Variants in VPS13B observed in about 807,000 individuals in gnomAD.
The protein encoded by VPS13B is vacuolar protein sorting 13 homolog B, also known as intermembrane lipid transfer protein VPS13B.
Under a neutral mutation model 426.4 loss-of-function variants are expected in VPS13B, and 285 were observed. The observed-to-expected ratio is 0.67, with a 90% CI of 0.61 to 0.74. The LOEUF (loss-of-function observed/expected upper bound fraction) is 0.74. Among genes scored for constraint, VPS13B ranks in the 30% least tolerant of loss-of-function variants. VPS13B has a pLI of 0.00. For synonymous variants in VPS13B, 1,676 were observed against 1,676.4 expected, an observed-to-expected ratio of 1.00 and a Z score of 0.01; for missense variants, 4,537 against 4,782.6, an observed-to-expected ratio of 0.95 and a Z score of 1.51.
chr8:99,158,499 C>T (rs1811480963), intron 15 of VPS13B, among the ~76,000 whole-genome samples: 1 of 152,216 alleles, frequency 6.6e-6, no homozygotes, highest in African/African-American at 2.4e-5. Flanking sequence ...GGCTGTTGCA[C>T]TCCAGCCTGG....
intron 39 of VPS13B, among the ~76,000 whole-genome samples, chr8:99,754,080 T>TA (rs1276663545): frequency 6.9e-6 from 1 of 145,546 alleles, no homozygotes; most frequent in African/African-American, 2.5e-5. Context: ...TCCAATAGTA[T>TA]AAGGGTTTTT....
chr8:99,373,504 G>C (rs1813307354), intron 19 of VPS13B, among the ~76,000 whole-genome samples: 2 of 152,044 alleles, frequency 1.3e-5, no homozygotes, highest in Non-Finnish European at 2.9e-5. Flanking sequence ...CTTCCTGGTG[G>C]ATTCTGTGAC....
chr8:99,263,671 C>G (rs1046133082), intron 17 of VPS13B, among the ~76,000 whole-genome samples: 2 of 152,140 alleles, frequency 1.3e-5, no homozygotes, highest in African/African-American at 4.8e-5. Context: ...TTGCCTTCTC[C>G]TACTACTTTT....
At chr8:99,625,242 T>A (rs1828560730) in intron 33 of VPS13B, among the ~76,000 whole-genome samples, 3 of 152,132 alleles carry the variant, frequency 2.0e-5, no homozygotes, top group African/African-American at 7.2e-5. Flanking sequence ...ATAAAATAAA[T>A]TATTACTAAG....
intron 3 of VPS13B, among the ~76,000 whole-genome samples, chr8:99,086,357 C>T (rs918291689): frequency 6.6e-6 from 1 of 152,068 alleles, no homozygotes; most frequent in Non-Finnish European, 1.5e-5. Context: ...GTTAGTCATT[C>T]GTCTAATTTT....
chr8:99,098,159 T>A (rs957746759), intron 4 of VPS13B, among the ~76,000 whole-genome samples: 2 of 152,160 alleles, frequency 1.3e-5, no homozygotes, highest in African/African-American at 2.4e-5. Context: ...TTTGTTCCTG[T>A]TTCCCATCTC....
intron 2 of VPS13B, among the ~76,000 whole-genome samples, chr8:99,037,490 G>A (rs78626508): frequency 2.1e-3 from 324 of 152,164 alleles, no homozygotes; most frequent in Middle Eastern, 0.01. Context: ...CAGAGTTATT[G>A]GTCTTAATCA....
intron 17 of VPS13B, chr8:99,234,232 C>T (rs1816516733): frequency 2.6e-6 from 2 of 774,214 alleles, no homozygotes; most frequent in Non-Finnish European, 4.8e-6. Flanking sequence ...TCCTCCATGG[C>T]TATTTTGCTT....
At chr8:99,704,222 C>T (rs955949404) in intron 36 of VPS13B, among the ~76,000 whole-genome samples, 23 of 152,270 alleles carry the variant, frequency 1.5e-4, no homozygotes, top group African/African-American at 4.6e-4. Context: ...AGAGAGAAAG[C>T]ATAACCACAT....
intron 52 of VPS13B, 47 bp from the exon 53 acceptor site, chr8:99,835,150 A>T (rs1453251924): frequency 6.2e-7 from 1 of 1,611,888 alleles, no homozygotes; most frequent in Non-Finnish European, 8.5e-7. Flanking sequence ...GAGAGCATTC[A>T]TTTTTTTTCC....
intron 14 of VPS13B, among the ~76,000 whole-genome samples, chr8:99,155,851 T>C (rs1811332462): frequency 1.3e-5 from 2 of 152,184 alleles, no homozygotes; most frequent in African/African-American, 2.4e-5. Context: ...GCATTCCTCA[T>C]TGAGAACCAC....
intron 29 of VPS13B, among the ~76,000 whole-genome samples, chr8:99,516,061 T>C (rs908784632): frequency 4.6e-5 from 7 of 152,186 alleles, no homozygotes; most frequent in Non-Finnish European, 8.8e-5. Context: ...GTGTTATAAA[T>C]AGCCAGACTG....
At chr8:99,235,997 A>T (rs1816624456) in intron 17 of VPS13B, among the ~76,000 whole-genome samples, 1 of 152,234 alleles carries the variant, frequency 6.6e-6, no homozygotes, top group Non-Finnish European at 1.5e-5. Flanking sequence ...TAGTATCCGA[A>T]TAAGTAATAT....
chr8:99,633,183 A>T (rs1588570338), intron 33 of VPS13B, among the ~76,000 whole-genome samples: 1 of 152,024 alleles, frequency 6.6e-6, no homozygotes, highest in Non-Finnish European at 1.5e-5. Context: ...GATTTAGGGG[A>T]TAAAGTAATC....
chr8:99,483,693 G>A (rs1361342047), intron 25 of VPS13B, among the ~76,000 whole-genome samples: 2 of 152,076 alleles, frequency 1.3e-5, no homozygotes, highest in Non-Finnish European at 2.9e-5. Context: ...TAAGTACTGT[G>A]TGTACAGGAA....
At chr8:99,778,253 C>T (rs962362512) in intron 41 of VPS13B, among the ~76,000 whole-genome samples, 7 of 149,012 alleles carry the variant, frequency 4.7e-5, no homozygotes, top group Admixed American at 3.4e-4. Context: ...AAAAAAATAG[C>T]TGTTGTTAAG....
rs564301275 is a variant in VPS13B at position 99,811,609 on chromosome 8, C to T, written c.8097+2079C>T. ...CTAAACTTTCCCAGGTAGTTCAGCT[C>T]ATTTTAGTGTGGCTGCTAGAACATT... On this transcript the variant is annotated intron_variant, in intron 44 of 61. Coordinates refer to ENST00000357162, the MANE Select transcript of VPS13B (RefSeq NM_152564.5). 4.1e-4 allele frequency among the ~76,000 whole-genome samples: 62 copies of T among 152,112 alleles called. 1 individual carries two copies. The highest frequency in any genetic ancestry group is 5.6e-4 in the Non-Finnish European group (38 of 68,010).
rs555258834 is a variant in VPS13B at position 99,349,793 on chromosome 8, T to G, written c.2825-34415T>G. Among the ~76,000 whole-genome samples, 5 of 152,340 alleles carry G rather than the reference T, an allele frequency of 3.3e-5. No individual in the cohort carries two copies. In the South Asian group the frequency reaches 1.0e-3, roughly 32 times the overall value. ...GGTTAGAGGGGAGGAAGGAAGATTT[T>G]AAATACTTTGTATTCTCTACATTGT... is the stretch of plus-strand genomic sequence containing the variant. On this transcript the variant is annotated intron_variant, in intron 19 of 61. Transcript: ENST00000357162.
intron 17 of VPS13B, among the ~76,000 whole-genome samples, chr8:99,226,536 T>C (rs1178038210): frequency 1.3e-5 from 2 of 152,330 alleles, no homozygotes; most frequent in East Asian, 1.9e-4. Flanking sequence ...TGTATCTTCA[T>C]GCATGTTGAT....
Sources: gnomAD v4.1 joint callset for allele counts (sites outside exome capture counted in the v4.1 genomes callset) on GRCh38, gnomAD v4.1.1 for gene constraint, MANE v1.5 for transcripts, NCBI Gene and HGNC (gene_info 2026-07-23, HGNC 2026-07-21) for gene names.